The following GTF3C1 variants were observed in gnomAD, a reference collection of about 807,000 sequenced individuals.
GTF3C1 encodes the protein general transcription factor IIIC subunit 1, also known as general transcription factor 3C polypeptide 1.
Under a neutral mutation model 226.7 loss-of-function variants are expected in GTF3C1, and 57 were observed. The ratio of observed to expected loss-of-function variants is 0.25; its 90% CI spans 0.20 to 0.31. GTF3C1 has a LOEUF of 0.31. GTF3C1 is among the 10% of genes least tolerant of loss of function. The pLI, the probability that GTF3C1 is intolerant of heterozygous loss-of-function variation, is 1.00. For missense variants in GTF3C1, 2,217 were observed against 2,776.1 expected (o/e 0.80, Z 4.53); for synonymous variants, 1,090 against 1,084.8 (o/e 1.00, Z -0.09).
At position 27,489,655 on chromosome 16, in the gene GTF3C1, G is replaced by T; in HGVS notation, c.3240C>A (p.Ser1080Arg). ...EEGSLQKEQESAMDKHNLERK... is the reference protein window; with the variant it reads ...EEGSLQKEQERAMDKHNLERK... Reference sequence around the variant, plus strand: ...GCTCCAGGTTGTGCTTGTCCATGGCGCTCTCCTGCTCCTTCTGCAGGCTGC... The same window carrying T: ...GCTCCAGGTTGTGCTTGTCCATGGCTCTCTCCTGCTCCTTCTGCAGGCTGC... Residue 1080 changes from serine (S) to arginine (R), a missense_variant, in exon 20 of 37, where the codon AGC (serine) becomes AGA (arginine). Coordinates refer to ENST00000356183, the MANE Select transcript of GTF3C1 (RefSeq NM_001520.4). 2 of 1,611,142 alleles carry T rather than the reference G, an allele frequency of 1.2e-6. No individual in the cohort carries two copies. Among genetic ancestry groups the T allele is most frequent in the South Asian group, 2.2e-5 (2 of 90,854 alleles).
intron 19 of GTF3C1, among the ~76,000 whole-genome samples, chr16:27,490,785 T>C (rs1037263645): frequency 3.3e-5 from 5 of 152,216 alleles, no homozygotes; most frequent in Non-Finnish European, 5.9e-5. Context: ...GCACCTGCTC[T>C]AAAAGATGAT....
At chr16:27,488,763 A>G (rs2088183560) in intron 21 of GTF3C1, 128 bp from the exon 22 acceptor site, 1 of 774,948 alleles carries the variant, frequency 1.3e-6, no homozygotes, top group African/African-American at 1.7e-5. Context: ...CAGGGGCTGG[A>G]GTCTCCTGCC....
At chr16:27,520,266 T>C (rs1318368246) in intron 6 of GTF3C1, among the ~76,000 whole-genome samples, 1 of 152,026 alleles carries the variant, frequency 6.6e-6, no homozygotes, top group Non-Finnish European at 1.5e-5. Context: ...AGGCGTGCGC[T>C]AACACACCCG....
intron 26 of GTF3C1, chr16:27,482,479 T>A (rs1024218596): frequency 2.0e-5 from 9 of 455,962 alleles, no homozygotes; most frequent in Non-Finnish European, 4.0e-5. Flanking sequence ...TGTCCTGCAA[T>A]GGCCATGTAC....
intron 7 of GTF3C1, among the ~76,000 whole-genome samples, chr16:27,509,299 T>C (rs1355801775): frequency 6.6e-6 from 1 of 152,082 alleles, no homozygotes; most frequent in African/African-American, 2.4e-5. Context: ...GGATTGTGAG[T>C]ATATCTGCCG....
intron 12 of GTF3C1, among the ~76,000 whole-genome samples, 170 bp downstream of exon 12, chr16:27,501,021 T>C (rs74537027): frequency 0.016 from 2,429 of 152,334 alleles, 32 homozygotes; most frequent in Non-Finnish European, 0.021. Context: ...AAGTTTTTGC[T>C]CTTTTCTGTT....
At chr16:27,540,975 G>A (rs1012324903) in intron 2 of GTF3C1, among the ~76,000 whole-genome samples, 11 of 152,096 alleles carry the variant, frequency 7.2e-5, no homozygotes, top group Non-Finnish European at 1.0e-4. Context: ...CAAGTAGCTG[G>A]GATTACAGAC....
At chr16:27,487,439 C>A (rs2088159352) in intron 23 of GTF3C1, among the ~76,000 whole-genome samples, 1 of 152,116 alleles carries the variant, frequency 6.6e-6, no homozygotes, top group Admixed American at 6.5e-5. Context: ...AAATACTGGC[C>A]GGATGAAGAA....
intron 6 of GTF3C1, among the ~76,000 whole-genome samples, chr16:27,519,439 CCCTCAGG>C (rs2088711904): frequency 6.6e-6 from 1 of 152,170 alleles, no homozygotes; most frequent in African/African-American, 2.4e-5. Flanking sequence ...GATCTGCAGA[CCCTCAGG>C]CCCCAGGGAG....
Position 27,495,389 on chromosome 16 carries a change from G to A in GTF3C1, c.2454C>T (p.Asn818=), listed in dbSNP as rs2088301532. The A allele has an allele frequency of 1.9e-6, 3 of 1,614,028 alleles. No homozygotes were observed. The South Asian group carries it at 3.3e-5, about 18-fold the overall frequency. Reference sequence around the variant, plus strand: ...TGATGAAGCTTGGCTTCTCCACGGTGTTGCTGGCAGGGTGCCCGTAGATGA... The same window carrying A: ...TGATGAAGCTTGGCTTCTCCACGGTATTGCTGGCAGGGTGCCCGTAGATGA... ...WYLIYGHPAS[N]TVEKPSFISE... The change falls in exon 15 of 37, where the codon AAC becomes AAT. Residue 818 remains asparagine (N), a synonymous_variant. Transcript: ENST00000356183.
intron 10 of GTF3C1, among the ~76,000 whole-genome samples, chr16:27,505,457 G>A (rs2088469755): frequency 6.6e-6 from 1 of 152,162 alleles, no homozygotes; most frequent in Admixed American, 6.5e-5. Flanking sequence ...GATGCCAGTA[G>A]CAGCCCCTCC....
rs781044882 is a variant in GTF3C1, at chr16:27,464,573, G to C, written c.5619C>G (p.Thr1873=). The change falls in exon 34 of 37, where the codon ACC becomes ACG. Residue 1873 remains threonine, a synonymous_variant. Transcript: ENST00000356183. ...GGGTCATCTGGGTGCCCTCGGCGTC[G>C]GTCTCCCCATTCTCACTGGCCCAGC... ...RASWASENGE[T]DAEGTQMTPA... The C allele has an allele frequency of 3.4e-6, 5 of 1,489,532 alleles. No individual in the cohort carries two copies. The highest frequency in any genetic ancestry group is 3.6e-6 in the Non-Finnish European group (4 of 1,118,942). The allele number at this position is 1,489,532 out of a possible 1,614,324, so 92.3% of individuals were successfully genotyped here.
intron 19 of GTF3C1, among the ~76,000 whole-genome samples, chr16:27,491,908 C>T (rs1208804235): frequency 6.6e-6 from 1 of 152,148 alleles, no homozygotes; most frequent in Non-Finnish European, 1.5e-5. Flanking sequence ...AGGCTGTTCC[C>T]GAGCCCTGGA....
At chr16:27,468,859 C>T (rs1222155899) in intron 32 of GTF3C1, among the ~76,000 whole-genome samples, 1 of 152,196 alleles carries the variant, frequency 6.6e-6, no homozygotes, top group Admixed American at 6.5e-5. Context: ...ACTTATCTTT[C>T]CTAGCAAGGG....
intron 27 of GTF3C1, among the ~76,000 whole-genome samples, chr16:27,479,844 A>C (rs1346970952): frequency 1.3e-5 from 2 of 152,178 alleles, no homozygotes; most frequent in Non-Finnish European, 2.9e-5. Flanking sequence ...TTACACTTGC[A>C]ACTTTTTCTT....
rs544389252 is a variant in GTF3C1 at position 27,513,223 on chromosome 16, C to T, written c.974-1322G>A. Among the ~76,000 whole-genome samples, 444 of 152,176 alleles carry T rather than the reference C, an allele frequency of 2.9e-3. 2 individuals are homozygous for T. Among genetic ancestry groups the T allele is most frequent in the Middle Eastern group, 6.8e-3 (2 of 294 alleles). On this transcript the variant is annotated intron_variant, in intron 6 of 36. Transcript: ENST00000356183. ...ATCTCAGCACTTTGGGAGGCCAAAGCGGGGAGGATCACTTGAGCCCAGGAG... is the reference window on the plus strand; with the variant it reads ...ATCTCAGCACTTTGGGAGGCCAAAGTGGGGAGGATCACTTGAGCCCAGGAG...
intron 6 of GTF3C1, among the ~76,000 whole-genome samples, chr16:27,517,042 C>T (rs1035756155): frequency 5.9e-5 from 9 of 152,258 alleles, no homozygotes; most frequent in East Asian, 3.9e-4. Context: ...GCTGCTGTGT[C>T]GGGTGGGCCT....
intron 4 of GTF3C1, among the ~76,000 whole-genome samples, chr16:27,536,698 C>T (rs749879360): frequency 6.6e-6 from 1 of 152,186 alleles, no homozygotes; most frequent in African/African-American, 2.4e-5. Flanking sequence ...TGCACCTCCC[C>T]TCCCCATTAT....
intron 28 of GTF3C1, among the ~76,000 whole-genome samples, chr16:27,477,311 C>CT (rs34199607): frequency 7.0e-4 from 103 of 146,476 alleles, no homozygotes; most frequent in Admixed American, 8.9e-4. Flanking sequence ...TTTTCTCTTC[C>CT]TTTTTTTTTT....
Sources: gnomAD v4.1 joint callset for allele counts (sites outside exome capture counted in the v4.1 genomes callset) on GRCh38, gnomAD v4.1.1 for gene constraint, MANE v1.5 for transcripts, NCBI Gene and HGNC (gene_info 2026-07-23, HGNC 2026-07-21) for gene names.